Variants in DOCK2 observed in about 807,000 individuals in gnomAD.
DOCK2 encodes dedicator of cytokinesis 2, also known as dedicator of cytokinesis protein 2.
A neutral mutation model predicts 248.9 loss-of-function variants in DOCK2; 87 were observed. The ratio of observed to expected loss-of-function variants is 0.35; its 90% CI spans 0.29 to 0.42. The LOEUF is 0.42. Among genes scored for constraint, DOCK2 ranks in the 10% least tolerant of loss-of-function variants. The pLI, the probability that DOCK2 is intolerant of heterozygous loss-of-function variation, is 1.00. For missense variants in DOCK2, 1,747 were observed against 2,300.2 expected, an observed-to-expected ratio of 0.76 and a Z score of 4.92; for synonymous variants, 805 against 821.6, an observed-to-expected ratio of 0.98 and a Z score of 0.35.
Position 169,764,131 on chromosome 5 carries a change from G to A in DOCK2, c.2554+2506G>A, listed in dbSNP as rs1468545989. On this transcript the variant is annotated intron_variant, in intron 25 of 51. Coordinates refer to ENST00000520908, the MANE Select transcript of DOCK2 (RefSeq NM_004946.3). This position sits in a 1 kb window ranked among gnomAD's most constrained non-coding sequence, Gnocchi z 4.3. ...TTTGAGCAGTAATGAAATTCCTCCT[G>A]TTATTCTCCCTGTGAAGTGTCCTGT... Among the ~76,000 whole-genome samples, 1 of 152,162 alleles carries A rather than the reference G, an allele frequency of 6.6e-6. No homozygotes were observed. The highest frequency in any genetic ancestry group is 1.9e-4 in the East Asian group (1 of 5,194).
chr5:169,723,723 T>G (rs948943289), intron 22 of DOCK2, among the ~76,000 whole-genome samples: 4 of 152,202 alleles, frequency 2.6e-5, no homozygotes, highest in African/African-American at 9.7e-5. Context: ...TTCACTACCC[T>G]ATTTAAAATT....
chr5:169,862,969 C>G (rs1180195544), intron 27 of DOCK2, among the ~76,000 whole-genome samples: 1 of 152,228 alleles, frequency 6.6e-6, no homozygotes, highest in Non-Finnish European at 1.5e-5. Flanking sequence ...CAATGTCAAT[C>G]TAACCACATG....
intron 32 of DOCK2, among the ~76,000 whole-genome samples, chr5:170,011,388 T>A (rs10447205): frequency 0.15 from 22,559 of 152,264 alleles, 2,038 homozygotes; most frequent in Non-Finnish European, 0.21. Flanking sequence ...AGCCAGAGTG[T>A]TTGCTCTGAA....
At chr5:169,965,314 C>T (rs910152471) in intron 27 of DOCK2, among the ~76,000 whole-genome samples, 2 of 152,222 alleles carry the variant, frequency 1.3e-5, no homozygotes, top group East Asian at 1.9e-4. Context: ...TTCTAAGAAG[C>T]TCCCAGGTGA....
intron 27 of DOCK2, among the ~76,000 whole-genome samples, chr5:169,941,081 G>A (rs563826585): frequency 2.0e-5 from 3 of 152,164 alleles, no homozygotes; most frequent in South Asian, 4.1e-4. Context: ...AGTCACCCAC[G>A]CTGAGTCTTT....
chr5:169,867,370 A>G (rs1321560282), intron 27 of DOCK2, among the ~76,000 whole-genome samples: 3 of 152,166 alleles, frequency 2.0e-5, no homozygotes, highest in African/African-American at 4.8e-5. Context: ...AACAAGGGCT[A>G]TGGGAGTTAT....
chr5:169,847,278 G>A (rs959676703), intron 27 of DOCK2, among the ~76,000 whole-genome samples: 1 of 152,194 alleles, frequency 6.6e-6, no homozygotes, highest in African/African-American at 2.4e-5. Flanking sequence ...TATACTGTTT[G>A]CCACAGAGAT....
At chr5:170,037,122 TA>T (rs1756348761) in intron 36 of DOCK2, among the ~76,000 whole-genome samples, 1 of 151,886 alleles carries the variant, frequency 6.6e-6, no homozygotes, top group Admixed American at 6.6e-5. Flanking sequence ...TTATTTATAA[TA>T]AAAAATATAT....
intron 29 of DOCK2, among the ~76,000 whole-genome samples, chr5:169,991,233 G>A (rs189906575): frequency 1.2e-3 from 176 of 152,278 alleles, no homozygotes; most frequent in African/African-American, 7.2e-4. Flanking sequence ...GCTTATTCTC[G>A]GCTGCCTCCT....
At chr5:170,011,006 C>T (rs1026071692) in intron 32 of DOCK2, among the ~76,000 whole-genome samples, 1 of 152,234 alleles carries the variant, frequency 6.6e-6, no homozygotes, top group African/African-American at 2.4e-5. Context: ...AAATATTCCA[C>T]CTGCTTAGAA....
intron 27 of DOCK2, among the ~76,000 whole-genome samples, chr5:169,978,190 G>A (rs1187492385): frequency 1.3e-5 from 2 of 152,046 alleles, no homozygotes; most frequent in African/African-American, 2.4e-5. Context: ...GCAAGCTTCC[G>A]AAGTTGGCTG....
intron 34 of DOCK2, among the ~76,000 whole-genome samples, chr5:170,030,439 G>A (rs1320637344): frequency 6.6e-6 from 1 of 152,196 alleles, no homozygotes; most frequent in South Asian, 2.1e-4. Context: ...AAATATTATC[G>A]AGCCCTTAGA....
chr5:169,647,216 TC>T (rs1757517435), intron 1 of DOCK2, among the ~76,000 whole-genome samples: 2 of 152,166 alleles, frequency 1.3e-5, no homozygotes, highest in Non-Finnish European at 2.9e-5. Context: ...TTGTTCTTCT[TC>T]AGCACAGAGC....
chr5:170,035,596 C>T (rs998345465), intron 35 of DOCK2, among the ~76,000 whole-genome samples: 2 of 152,134 alleles, frequency 1.3e-5, no homozygotes, highest in Non-Finnish European at 2.9e-5. Flanking sequence ...GGAAAGTGAC[C>T]TTTAACAGCC....
chr5:170,019,707 G>T (rs977043502), intron 33 of DOCK2, among the ~76,000 whole-genome samples: 1 of 152,158 alleles, frequency 6.6e-6, no homozygotes, highest in South Asian at 2.1e-4. Flanking sequence ...GGACAATGAG[G>T]TCCATTTCCC....
At chr5:170,046,430 G>A (rs1307305833) in intron 39 of DOCK2, among the ~76,000 whole-genome samples, 2 of 152,254 alleles carry the variant, frequency 1.3e-5, no homozygotes, top group Non-Finnish European at 2.9e-5. Context: ...ACTCTGCAGG[G>A]AAATGCAGAA....
At chr5:169,900,941 G>A (rs546746719) in intron 27 of DOCK2, among the ~76,000 whole-genome samples, 10 of 152,286 alleles carry the variant, frequency 6.6e-5, no homozygotes, top group South Asian at 2.1e-4. Context: ...TACAACTGGT[G>A]TACCAAACAG....
chr5:169,913,798 A>T (rs528774908), intron 27 of DOCK2, among the ~76,000 whole-genome samples: 1 of 152,346 alleles, frequency 6.6e-6, no homozygotes, highest in South Asian at 2.1e-4. Context: ...GAGGAATTAG[A>T]TGCTTCGCTA....
intron 25 of DOCK2, among the ~76,000 whole-genome samples, chr5:169,780,894 C>T (rs1471794826): frequency 1.3e-5 from 2 of 152,128 alleles, no homozygotes; most frequent in South Asian, 2.1e-4. Context: ...TAAAATATCG[C>T]CATACTTCTA....
Sources: gnomAD v4.1 joint callset for allele counts (sites outside exome capture counted in the v4.1 genomes callset) on GRCh38, gnomAD v4.1.1 for gene constraint, Gnocchi (gnomAD v3.1) non-coding constraint, MANE v1.5 for transcripts, NCBI Gene and HGNC (gene_info 2026-07-23, HGNC 2026-07-21) for gene names.